The following MYT1L variants were observed in gnomAD, a reference collection of about 807,000 sequenced individuals.
The protein encoded by MYT1L is myelin transcription factor 1-like protein.
A neutral mutation model predicts 126.7 loss-of-function variants in MYT1L; 12 were observed. The observed-to-expected ratio is 0.09, with a 90% confidence interval of 0.06 to 0.15. The LOEUF (loss-of-function observed/expected upper bound fraction) is 0.15, where lower values mean the gene tolerates loss of function less well. Ranked by LOEUF, MYT1L falls within the 10% of genes least tolerant of loss-of-function variation. The pLI is 1.00. For missense variants in MYT1L, 979 were observed against 1,585.2 expected (o/e 0.62, Z 6.49); for synonymous variants, 541 against 604.2 (o/e 0.90, Z 1.53).
chr2:1,798,726 C>T (rs1356204872), intron 23 of MYT1L, among the ~76,000 whole-genome samples: 1 of 152,238 alleles, frequency 6.6e-6, no homozygotes, highest in Non-Finnish European at 1.5e-5. Context: ...AAAGTCAGGA[C>T]CTTCTAAAGG....
At chr2:1,865,593 CT>C (rs35001242) in intron 18 of MYT1L, among the ~76,000 whole-genome samples, 55 of 148,654 alleles carry the variant, frequency 3.7e-4, no homozygotes, top group African/African-American at 1.2e-3. Context: ...TGTTTTTTTT[CT>C]TTTTTTTTTA....
At chr2:2,219,949 G>C (rs1056963562) in intron 2 of MYT1L, among the ~76,000 whole-genome samples, 1 of 148,018 alleles carries the variant, frequency 6.8e-6, no homozygotes, top group Non-Finnish European at 1.5e-5. Context: ...TTCTAACACA[G>C]CCATCTTTCC....
intron 13 of MYT1L, among the ~76,000 whole-genome samples, chr2:1,904,830 G>C (rs2050823988): frequency 4.7e-5 from 7 of 149,386 alleles, no homozygotes; most frequent in Admixed American, 4.7e-4. Context: ...GTCTCGCTCT[G>C]TCCCCCAGGC....
At chr2:2,297,198 G>A (rs2095708715) in intron 1 of MYT1L, among the ~76,000 whole-genome samples, 2 of 152,352 alleles carry the variant, frequency 1.3e-5, no homozygotes, top group East Asian at 1.9e-4. Context: ...GCCGCTCTGA[G>A]TCTCTGCTTC....
In MYT1L at chr2:1,943,292, A is replaced by G; in HGVS notation, c.195T>C (p.Asp65=). 4.5e-6 allele frequency: 7 copies of G among 1,570,372 alleles called. No individual in the cohort carries two copies. The highest frequency in any genetic ancestry group is 6.0e-6 in the Non-Finnish European group (7 of 1,157,046). The change falls in exon 9 of 25, where the codon GAT becomes GAC. Residue 65 remains aspartate (D), a synonymous_variant. Transcript: ENST00000647738. The surrounding 1 kb of genome is among the most constrained non-coding windows in gnomAD (Gnocchi z 4.4). ...CPLAKKRKTQ[D]KQPQEPAPKR... is the part of the protein sequence containing the mutation. ...TAGGAGCAGGTTCCTGGGGCTGTTT[A>G]TCTTGTGTTTTTCTTTTTTTCGCCA...
intron 4 of MYT1L, among the ~76,000 whole-genome samples, chr2:2,031,697 G>A (rs543591772): frequency 2.0e-5 from 3 of 146,474 alleles, no homozygotes; most frequent in East Asian, 4.2e-4. Flanking sequence ...CTAGAAGGAG[G>A]GCCTTATACA....
intron 18 of MYT1L, among the ~76,000 whole-genome samples, chr2:1,881,251 A>G (rs1013020829): frequency 6.6e-6 from 1 of 151,938 alleles, no homozygotes; most frequent in Non-Finnish European, 1.5e-5. Flanking sequence ...CTGACAGTGG[A>G]CTTGAGAAAC....
chr2:2,202,530 G>A (rs933271356), intron 2 of MYT1L, among the ~76,000 whole-genome samples: 1 of 152,108 alleles, frequency 6.6e-6, no homozygotes, highest in Non-Finnish European at 1.5e-5. Context: ...AGAAGAAATG[G>A]ATAAATTCAT....
chr2:2,282,834 G>A (rs2095467869), intron 2 of MYT1L, among the ~76,000 whole-genome samples: 1 of 152,220 alleles, frequency 6.6e-6, no homozygotes, highest in Admixed American at 6.5e-5. Flanking sequence ...CAGCACTTTG[G>A]GAAACCGAGG....
intron 8 of MYT1L, among the ~76,000 whole-genome samples, chr2:1,969,206 G>T (rs1197530417): frequency 6.6e-6 from 1 of 152,104 alleles, no homozygotes; most frequent in East Asian, 1.9e-4. Flanking sequence ...GTGATGCTGG[G>T]CCCCGGCGGG....
chr2:1,850,827 A>G lies in MYT1L; in HGVS notation c.2774+814T>C, dbSNP rs78086002. ...TGGTGCTTCCCGTGGGGAATTTTCC[A>G]TCCACTGACCCCAATCTGCTCCTTG... On this transcript the variant is annotated intron_variant, in intron 19 of 24. Coordinates refer to ENST00000647738, the MANE Select transcript of MYT1L (RefSeq NM_001303052.2). Among the ~76,000 whole-genome samples, 755 of 152,158 alleles carry G rather than the reference A, an allele frequency of 5.0e-3. 10 individuals are homozygous for G. Among genetic ancestry groups the G allele is most frequent in the African/African-American group, 0.017 (716 of 41,502 alleles).
intron 14 of MYT1L, among the ~76,000 whole-genome samples, chr2:1,898,454 T>C (rs2049903677): frequency 6.6e-6 from 1 of 152,144 alleles, no homozygotes. Context: ...CTTGCTAGAG[T>C]TGAGCTGATG....
chr2:2,118,015 C>T (rs894660733), intron 3 of MYT1L, among the ~76,000 whole-genome samples: 1 of 151,332 alleles, frequency 6.6e-6, no homozygotes, highest in Non-Finnish European at 1.5e-5. Context: ...CTCACATGCC[C>T]ACACTATATA....
Position 1,891,294 on chromosome 2 carries a change from T to C in MYT1L, c.2283+743A>G, listed in dbSNP as rs186375219. Among the ~76,000 whole-genome samples, 1,327 of 152,272 alleles carry C rather than the reference T, an allele frequency of 8.7e-3. 22 individuals are homozygous for C. Among genetic ancestry groups the C allele is most frequent in the African/African-American group, 0.03 (1,226 of 41,536 alleles). On this transcript the variant is annotated intron_variant, in intron 15 of 24. Transcript: ENST00000647738. ...TGTTTATCAGGAGAGGAGGTGAACATGTCCGCTGCTCAGCGTCTCCTCTGA... is the reference window on the plus strand; with the variant it reads ...TGTTTATCAGGAGAGGAGGTGAACACGTCCGCTGCTCAGCGTCTCCTCTGA...
chr2:2,229,857 C>T (rs962590177), intron 2 of MYT1L, among the ~76,000 whole-genome samples: 18 of 152,130 alleles, frequency 1.2e-4, no homozygotes, highest in African/African-American at 4.3e-4. Flanking sequence ...ATCTGCCTCC[C>T]AAGTCTTTGT....
At chr2:2,174,343 T>TATAA (rs773602118) in intron 2 of MYT1L, among the ~76,000 whole-genome samples, 1 of 152,214 alleles carries the variant, frequency 6.6e-6, no homozygotes, top group Non-Finnish European at 1.5e-5. Flanking sequence ...ACCCACATAG[T>TATAA]ATAAATGCAA....
chr2:1,892,390 G>T (rs887362279), intron 14 of MYT1L, 103 bp from the exon 15 acceptor site: 3 of 1,444,012 alleles, frequency 2.1e-6, no homozygotes, highest in Non-Finnish European at 2.7e-6. Context: ...ACACACAGCC[G>T]CGTGGGACGG....
chr2:1,879,572 T>C (rs969041670), intron 18 of MYT1L, among the ~76,000 whole-genome samples: 4 of 152,182 alleles, frequency 2.6e-5, no homozygotes, highest in Non-Finnish European at 5.9e-5. Context: ...TGAAAGGAAA[T>C]GTGTCCATCT....
chr2:2,314,881 C>T (rs1190020640), intron 1 of MYT1L, among the ~76,000 whole-genome samples: 5 of 152,184 alleles, frequency 3.3e-5, no homozygotes, highest in Non-Finnish European at 7.3e-5. Flanking sequence ...TGCACATCTA[C>T]AACCATCTGA....
Sources: allele counts gnomAD v4.1 joint callset (sites outside exome capture counted in the v4.1 genomes callset), GRCh38; gene constraint gnomAD v4.1.1; non-coding constraint Gnocchi (gnomAD v3.1); transcripts MANE v1.5; gene names NCBI Gene and HGNC (gene_info 2026-07-23, HGNC 2026-07-21).